HCN4: variants seen among roughly 807,000 people sequenced by gnomAD.
HCN4 encodes potassium/sodium hyperpolarization-activated cyclic nucleotide-gated channel 4.
In HCN4, 29 loss-of-function variants were observed where a neutral mutation model predicts 76.9. That is an observed-to-expected ratio of 0.38 (90% CI 0.28 to 0.51). The LOEUF is 0.51. HCN4 is among the 20% of genes least tolerant of loss of function. HCN4 has a pLI of 0.90. For synonymous variants in HCN4, 772 were observed against 762.5 expected, an observed-to-expected ratio of 1.01 and a Z score of -0.21; for missense variants, 1,416 against 1,715.2, an observed-to-expected ratio of 0.83 and a Z score of 3.08.
chr15:73,323,987 CG>C (rs1219717893), intron 7 of HCN4, 38 bp from the exon 8 acceptor site: 2 of 1,609,902 alleles, frequency 1.2e-6, no homozygotes, highest in Non-Finnish European at 1.7e-6. Context: ...CAGGGCAGAG[CG>C]GGGAAGGAGA....
At position 73,322,605 on chromosome 15, in the gene HCN4, G is replaced by T. The variant is rs756052150; in HGVS notation, c.3488C>A (p.Pro1163His). 2.2e-5 allele frequency: 35 copies of T among 1,611,540 alleles called. No homozygotes were observed. The Admixed American group carries it at 3.5e-4, about 16-fold the overall frequency. ...PRKTSSGSLP[P>H]PLSLFGARAT... ...TCTTGCCCCAAACAAAGACAGAGGG[G>T]GTGGCAAAGAACCTGAGGATGTCTT... Residue 1163 changes from proline (P) to histidine (H), a missense_variant, in exon 8 of 8, where the codon CCC (proline) becomes CAC (histidine). Transcript: ENST00000261917.
At chr15:73,355,798 G>C (rs1312017097) in intron 1 of HCN4, among the ~76,000 whole-genome samples, 1 of 152,156 alleles carries the variant, frequency 6.6e-6, no homozygotes, top group Non-Finnish European at 1.5e-5. Flanking sequence ...CTGCACAGCA[G>C]GGGACATCTG....
In HCN4 at chr15:73,328,472, T is replaced by C. The variant is rs960133627; in HGVS notation, c.1590+1101A>G. 6.6e-6 allele frequency among the ~76,000 whole-genome samples: 1 copy of C among 151,806 alleles called. No individual in the cohort carries two copies. Among genetic ancestry groups the C allele is most frequent in the Non-Finnish European group, 1.5e-5 (1 of 67,984 alleles). ...TCCCTGAAGAGTTTCAAGCAGAGGA[T>C]GAGGCTGACGTGTTTTAGATGCCGC... On this transcript the variant is annotated intron_variant, in intron 4 of 7. Transcript: ENST00000261917. This position sits in a 1 kb window ranked among gnomAD's most constrained non-coding sequence, Gnocchi z 4.0.
intron 1 of HCN4, among the ~76,000 whole-genome samples, chr15:73,363,524 G>A (rs1223592188): frequency 1.3e-5 from 2 of 152,240 alleles, no homozygotes; most frequent in Non-Finnish European, 2.9e-5. Flanking sequence ...GGCCTAGAGA[G>A]GGGTTCACAA....
At chr15:73,337,608 CTAAT>C (rs1469372871) in intron 2 of HCN4, among the ~76,000 whole-genome samples, 1 of 152,166 alleles carries the variant, frequency 6.6e-6, no homozygotes, top group African/African-American at 2.4e-5. Flanking sequence ...AGGTCCTTGT[CTAAT>C]TGTGCCTTTA....
chr15:73,324,762 A>T (rs866074061), intron 6 of HCN4, among the ~76,000 whole-genome samples, 193 bp downstream of exon 6: 1 of 152,098 alleles, frequency 6.6e-6, no homozygotes, highest in African/African-American at 2.4e-5. Flanking sequence ...TCTGCAGTTT[A>T]CAAGCCACCC....
chr15:73,330,001 G>A (rs966598931), intron 3 of HCN4, among the ~76,000 whole-genome samples: 1 of 152,218 alleles, frequency 6.6e-6, no homozygotes, highest in Admixed American at 6.5e-5. Context: ...CTTGCAATGG[G>A]GGCAGAGATC....
chr15:73,364,974 C>T (rs77113262), intron 1 of HCN4, among the ~76,000 whole-genome samples: 3,710 of 152,326 alleles, frequency 0.024, 61 homozygotes, highest in Non-Finnish European at 0.034. Context: ...ATCAATGCTT[C>T]CTGCCCGTCA....
At chr15:73,339,876 G>A (rs2042989905) in intron 2 of HCN4, among the ~76,000 whole-genome samples, 1 of 152,156 alleles carries the variant, frequency 6.6e-6, no homozygotes. Context: ...CCAATCTCAG[G>A]GGTCCAGTGA....
At chr15:73,341,549 A>G (rs1328160887) in intron 2 of HCN4, among the ~76,000 whole-genome samples, 2 of 152,226 alleles carry the variant, frequency 1.3e-5, no homozygotes, top group East Asian at 3.8e-4. Flanking sequence ...ACTGAGGCAC[A>G]GAGAGGCAAA....
In HCN4 at chr15:73,320,566, C is replaced by T. The variant is rs2042851274; in HGVS notation, c.*1915G>A. 6.6e-6 allele frequency: 1 copy of T among 152,216 alleles called. No homozygotes were observed. The highest frequency in any genetic ancestry group is 1.5e-5 in the Non-Finnish European group (1 of 68,072). 9.4% of individuals were successfully genotyped at this position (152,216 alleles called of 1,614,324 possible). Reference sequence around the variant, plus strand: ...CCCTGACCTTGGCTCTGGCAAGATCCCATCTGGGAGGAGGGAGGATGGTGC... The same window carrying T: ...CCCTGACCTTGGCTCTGGCAAGATCTCATCTGGGAGGAGGGAGGATGGTGC... On this transcript the variant is annotated 3_prime_UTR_variant, in exon 8 of 8. Transcript: ENST00000261917.
chr15:73,329,693 G>A lies in HCN4; in HGVS notation c.1470C>T (p.Ser490=), dbSNP rs144298603. The A allele has an allele frequency of 2.8e-5, 46 of 1,614,058 alleles. No individual in the cohort carries two copies. Among genetic ancestry groups the A allele is most frequent in the East Asian group, 6.7e-5 (3 of 44,886 alleles). The change falls in exon 4 of 8, where the codon TCC becomes TCT. Residue 490 remains serine (S), a synonymous_variant. Transcript: ENST00000261917. ...GYGRQAPVGM[S]DVWLTMLSMI... ...TGCTGAGCATGGTGAGCCAGACGTC[G>A]GACATGCCCACGGGCGCCTGCCGCC...
chr15:73,358,571 C>G (rs1214281460), intron 1 of HCN4, among the ~76,000 whole-genome samples: 1 of 152,146 alleles, frequency 6.6e-6, no homozygotes, highest in Non-Finnish European at 1.5e-5. Context: ...GCACCTAGGA[C>G]CAGGGTGCAC....
At chr15:73,351,533 CTCT>C (rs2043055087) in intron 1 of HCN4, among the ~76,000 whole-genome samples, 3 of 152,152 alleles carry the variant, frequency 2.0e-5, no homozygotes, top group Non-Finnish European at 4.4e-5. Context: ...CTATCCTCAA[CTCT>C]TCTATCTCCC....
rs1415832167 is a variant in HCN4, at chr15:73,323,353, G to C, written c.2740C>G (p.Leu914Val). 2 of 1,573,364 alleles carry C rather than the reference G, an allele frequency of 1.3e-6. No individual in the cohort carries two copies. The highest frequency in any genetic ancestry group is 1.7e-6 in the Non-Finnish European group (2 of 1,159,690). ...IAGFGHFHKA[L>V]GGSLSSSDSP... Reference sequence around the variant, plus strand: ...TCGGAGGAGGACAGGGAGCCACCCAGCGCCTTGTGGAAGTGGCCAAACCCG... The same window carrying C: ...TCGGAGGAGGACAGGGAGCCACCCACCGCCTTGTGGAAGTGGCCAAACCCG... The change falls in exon 8 of 8, where the codon CTG becomes GTG. Residue 914 changes from leucine (L) to valine (V), a missense_variant. By Grantham distance (32) the Leu-to-Val change is conservative. Coordinates refer to ENST00000261917, the MANE Select transcript of HCN4 (RefSeq NM_005477.3).
chr15:73,321,470 GA>G lies in HCN4; in HGVS notation c.*1010del, dbSNP rs2042857207. 6.6e-6 allele frequency: 1 copy of G among 152,434 alleles called. No individual in the cohort carries two copies. Among genetic ancestry groups the G allele is most frequent in the Non-Finnish European group, 1.5e-5 (1 of 68,042 alleles). 9.4% of individuals were successfully genotyped at this position (152,434 alleles called of 1,614,324 possible). A position where few individuals can be genotyped will look rare whatever the true frequency, so the allele number is the denominator to read the frequency against. On this transcript the variant is annotated 3_prime_UTR_variant, in exon 8 of 8. Transcript: ENST00000261917. ...AAAGTACCCACCCCATGGTCTTTGT[GA>G]AACTGAAGGAGTTAATGTGTGTAAA... is the stretch of plus-strand genomic sequence containing the variant.
At chr15:73,350,122 A>G (rs2043047855) in intron 1 of HCN4, among the ~76,000 whole-genome samples, 1 of 151,968 alleles carries the variant, frequency 6.6e-6, no homozygotes, top group East Asian at 1.9e-4. Flanking sequence ...GTTGTGCTGC[A>G]CCTGTTTTTC....
At chr15:73,353,691 C>T (rs2043065174) in intron 1 of HCN4, among the ~76,000 whole-genome samples, 1 of 152,180 alleles carries the variant, frequency 6.6e-6, no homozygotes, top group Admixed American at 6.5e-5. Flanking sequence ...AAGGAGCTGC[C>T]TCTCTGGTGG....
intron 1 of HCN4, among the ~76,000 whole-genome samples, chr15:73,356,374 C>CTTTTTTTTTTTT (rs71137342): frequency 4.2e-5 from 5 of 118,178 alleles, no homozygotes; most frequent in Non-Finnish European, 7.1e-5. Context: ...CTTTTCTTTT[C>CTTTTTTTTTTTT]TTTTTTTTTT....
Sources: allele counts gnomAD v4.1 joint callset (sites outside exome capture counted in the v4.1 genomes callset), GRCh38; gene constraint gnomAD v4.1.1; non-coding constraint Gnocchi (gnomAD v3.1); transcripts MANE v1.5; gene names NCBI Gene and HGNC (gene_info 2026-07-23, HGNC 2026-07-21).